ATP8B4: variants seen among roughly 807,000 people sequenced by gnomAD.
The protein encoded by ATP8B4 is ATPase phospholipid transporting 8B4 (putative), also known as probable phospholipid-transporting ATPase IM.
A neutral mutation model predicts 145.6 loss-of-function variants in ATP8B4; 133 were observed. The ratio of observed to expected loss-of-function variants is 0.91; its 90% CI spans 0.79 to 1.05. ATP8B4 has a LOEUF of 1.05. Among genes scored for constraint, ATP8B4 ranks in the 50% least tolerant of loss-of-function variants. ATP8B4 has a pLI of 0.00. For synonymous variants in ATP8B4, 507 were observed against 492.9 expected (o/e 1.03, Z -0.38); for missense variants, 1,458 against 1,425.2 (o/e 1.02, Z -0.37).
chr15:49,899,307 A>T (rs909308861), intron 21 of ATP8B4, among the ~76,000 whole-genome samples: 1 of 152,144 alleles, frequency 6.6e-6, no homozygotes, highest in African/African-American at 2.4e-5. Context: ...CTCTCAAAGC[A>T]TTGTGTTCAT....
chr15:49,862,177 G>A, intron 27 of ATP8B4, 68 bp downstream of exon 27: 2 of 1,544,192 alleles, frequency 1.3e-6, no homozygotes, highest in Non-Finnish European at 8.8e-7. Context: ...CTTCCAATAA[G>A]GCAGAAAAGG....
chr15:50,133,656 A>C (rs72737014), intron 1 of ATP8B4, among the ~76,000 whole-genome samples: 15,264 of 152,224 alleles, frequency 0.1, 969 homozygotes, highest in Middle Eastern at 0.18. Context: ...AGAGAGCATA[A>C]TAAGCAGTTG....
chr15:50,115,020 C>T, intron 1 of ATP8B4, among the ~76,000 whole-genome samples: 1 of 152,150 alleles, frequency 6.6e-6, no homozygotes, highest in East Asian at 1.9e-4. Context: ...CAGACAGAAA[C>T]ATAAAAGACC....
chr15:49,885,025 G>A (rs1342338806), intron 23 of ATP8B4, among the ~76,000 whole-genome samples: 1 of 152,168 alleles, frequency 6.6e-6, no homozygotes, highest in Non-Finnish European at 1.5e-5. Flanking sequence ...CATTAGCATT[G>A]ACCTGGGTTA....
chr15:49,981,998 A>G (rs1181048394), intron 10 of ATP8B4, among the ~76,000 whole-genome samples: 2 of 152,200 alleles, frequency 1.3e-5, no homozygotes, highest in Non-Finnish European at 2.9e-5. Context: ...ATATTGAAAA[A>G]TATTGTTAAA....
chr15:49,982,267 A>AATTG (rs1210692494), intron 10 of ATP8B4, among the ~76,000 whole-genome samples: 1 of 152,146 alleles, frequency 6.6e-6, no homozygotes, highest in Non-Finnish European at 1.5e-5. Flanking sequence ...AAGAAGCAAT[A>AATTG]ATTGAGGTTT....
In ATP8B4 at chr15:49,971,042, T is replaced by C. The variant is rs952107052; in HGVS notation, c.1243+1540A>G. On this transcript the variant is annotated intron_variant, in intron 13 of 27. Coordinates refer to ENST00000284509, the MANE Select transcript of ATP8B4 (RefSeq NM_024837.4). ...GAGAAAGGATTCCCTGTTTAATAAA[T>C]GGTATTGGGAAAACTGGCTAGCCAT... 3.3e-5 allele frequency among the ~76,000 whole-genome samples: 5 copies of C among 152,276 alleles called. No individual in the cohort carries two copies. In the South Asian group the frequency reaches 8.3e-4, roughly 25 times the overall value.
At chr15:50,156,350 C>T (rs2044419746) in intron 1 of ATP8B4, among the ~76,000 whole-genome samples, 1 of 151,762 alleles carries the variant, frequency 6.6e-6, no homozygotes, top group Non-Finnish European at 1.5e-5. Flanking sequence ...TTTAAAACTT[C>T]AATCCTTCAA....
At chr15:49,870,461 A>G (rs565236731) in intron 25 of ATP8B4, among the ~76,000 whole-genome samples, 138 of 152,360 alleles carry the variant, frequency 9.1e-4, no homozygotes, top group Middle Eastern at 3.4e-3. Flanking sequence ...ATTGAAAAAT[A>G]CTTTTTTAAA....
chr15:50,006,982 G>A (rs2048348302), intron 7 of ATP8B4, among the ~76,000 whole-genome samples: 2 of 151,942 alleles, frequency 1.3e-5, no homozygotes, highest in South Asian at 4.1e-4. Context: ...GACTCCTTGT[G>A]GTATCTGAAT....
chr15:50,007,101 A>T (rs527637758), intron 7 of ATP8B4, among the ~76,000 whole-genome samples: 1 of 91,394 alleles, frequency 1.1e-5, no homozygotes, highest in East Asian at 3.2e-4. Context: ...AACATAAAAA[A>T]AATAAATAAA....
chr15:49,962,012 G>A lies in ATP8B4; in HGVS notation c.1252C>T (p.His418Tyr), dbSNP rs2044123117. The change falls in exon 14 of 28, where the codon CAT (histidine) becomes TAT (tyrosine). Residue 418 changes from histidine (H) to tyrosine (Y), a missense_variant. By Grantham distance (83) the His-to-Tyr change is moderately conservative (BLOSUM62 2). Coordinates refer to ENST00000284509, the MANE Select transcript of ATP8B4 (RefSeq NM_024837.4). ...TCTGTCTTCTGATCCAGGTCATCATGTACTTCACCTGACAAAACAAAAATT... is the reference window on the plus strand; with the variant it reads ...TCTGTCTTCTGATCCAGGTCATCATATACTTCACCTGACAAAACAAAAATT... ...SINGRIYGEV[H>Y]DDLDQKTEIT... The A allele has an allele frequency of 2.5e-6, 4 of 1,590,052 alleles. No individual in the cohort carries two copies. Among genetic ancestry groups the A allele is most frequent in the Non-Finnish European group, 3.4e-6 (4 of 1,172,188 alleles).
chr15:50,059,081 C>T (rs1009174876), intron 3 of ATP8B4, among the ~76,000 whole-genome samples: 1 of 152,130 alleles, frequency 6.6e-6, no homozygotes, highest in African/African-American at 2.4e-5. Context: ...GAGGAATTTT[C>T]ACCAAATTTG....
At chr15:50,123,466 G>T (rs1249684006), upstream of ATP8B4, among the ~76,000 whole-genome samples, 6 of 152,130 alleles carry the variant, frequency 3.9e-5, no homozygotes, top group Admixed American at 6.6e-5. Flanking sequence ...TCCCCATATT[G>T]CTCCTGAATG....
chr15:50,098,709 T>G (rs2056153442), intron 2 of ATP8B4, among the ~76,000 whole-genome samples: 1 of 152,048 alleles, frequency 6.6e-6, no homozygotes, highest in Admixed American at 6.6e-5. Flanking sequence ...TCTCCCTCTC[T>G]CCTCCCCAAG....
Position 50,047,377 on chromosome 15 carries a change from A to T in ATP8B4, c.175T>A (p.Tyr59Asn). The change falls in exon 4 of 28, where the codon TAT becomes AAT. Residue 59 changes from tyrosine (Y) to asparagine (N), a missense_variant. Physicochemically the swap from Tyr to Asn is moderately radical, Grantham distance 143. Coordinates refer to ENST00000284509, the MANE Select transcript of ATP8B4 (RefSeq NM_024837.4). ...TGTAAAATCAGAAGGCAAAGAAAAT[A>T]GGCATTTGCCACTCTTTGGAACTGT... ...FEQFQRVANA[Y>N]FLCLLILQLI... The T allele has an allele frequency of 6.3e-7, 1 of 1,583,896 alleles. No individual in the cohort carries two copies. The highest frequency in any genetic ancestry group is 8.7e-7 in the Non-Finnish European group (1 of 1,152,706).
At position 50,074,320 on chromosome 15, in the gene ATP8B4, G is replaced by A. The variant is rs1046413751; in HGVS notation, c.29-135C>T. ...TTTTCTTTCAAATTTGAAGGTATTG[G>A]CTTTTTCCAGTGTACATGTTGGAAC... is the stretch of plus-strand genomic sequence containing the variant. On this transcript the variant is annotated intron_variant, in intron 2 of 27. Coordinates refer to ENST00000284509, the MANE Select transcript of ATP8B4 (RefSeq NM_024837.4). 5 of 737,436 alleles carry A rather than the reference G, an allele frequency of 6.8e-6. No individual in the cohort carries two copies. The African/African-American group carries it at 8.9e-5, about 13-fold the overall frequency. 45.7% of individuals were successfully genotyped at this position (737,436 alleles called of 1,614,324 possible).
intron 23 of ATP8B4, 21 bp downstream of exon 23, chr15:49,897,267 CAAAA>C: frequency 6.7e-7 from 1 of 1,487,232 alleles, no homozygotes; most frequent in African/African-American, 1.4e-5. Flanking sequence ...AACAAACAAA[CAAAA>C]AAAAACATGC....
chr15:50,007,875 G>A (rs756224971), intron 7 of ATP8B4, among the ~76,000 whole-genome samples: 1 of 152,106 alleles, frequency 6.6e-6, no homozygotes, highest in Non-Finnish European at 1.5e-5. Flanking sequence ...GAAAAACTTT[G>A]AACAAAATTA....
Sources: gnomAD v4.1 joint callset for allele counts (sites outside exome capture counted in the v4.1 genomes callset) on GRCh38, gnomAD v4.1.1 for gene constraint, MANE v1.5 for transcripts, NCBI Gene and HGNC (gene_info 2026-07-23, HGNC 2026-07-21) for gene names.